RNF38: variants seen among roughly 807,000 people sequenced by gnomAD.
The protein encoded by RNF38 is ring finger protein 38.
RNF38 carries 15 observed loss-of-function variants against 67.2 expected under a neutral mutation model. The ratio of observed to expected loss-of-function variants is 0.22; its 90% CI spans 0.15 to 0.34. The LOEUF is 0.34. RNF38 is among the 10% of genes least tolerant of loss of function. RNF38 has a pLI of 1.00. For synonymous variants in RNF38, 220 were observed against 218.8 expected (o/e 1.01, Z -0.05); for missense variants, 524 against 639.9 (o/e 0.82, Z 1.95).
chr9:36,426,549 T>C (rs995435590), intron 1 of RNF38, among the ~76,000 whole-genome samples: 8 of 152,246 alleles, frequency 5.3e-5, no homozygotes, highest in Admixed American at 1.3e-4. Flanking sequence ...TACCACATTT[T>C]GTTTCACTCT....
chr9:36,406,249 T>C (rs1029205606), intron 2 of RNF38, among the ~76,000 whole-genome samples: 3 of 152,180 alleles, frequency 2.0e-5, no homozygotes, highest in Non-Finnish European at 2.9e-5. Context: ...CAGCTACAGG[T>C]AAAGAACCAC....
intron 4 of RNF38, among the ~76,000 whole-genome samples, chr9:36,364,415 G>A (rs1834794984): frequency 6.6e-6 from 1 of 152,068 alleles, no homozygotes; most frequent in Non-Finnish European, 1.5e-5. Context: ...ATTTTCAACA[G>A]TGTAGAGGGT....
chr9:36,442,723 G>A (rs993504882), intron 1 of RNF38, among the ~76,000 whole-genome samples: 6 of 152,230 alleles, frequency 3.9e-5, no homozygotes, highest in Admixed American at 1.3e-4. Context: ...AGGTTGCAGC[G>A]AGCCGAGATC....
intron 1 of RNF38, among the ~76,000 whole-genome samples, chr9:36,480,036 T>A (rs1469343238): frequency 6.6e-6 from 1 of 152,146 alleles, no homozygotes; most frequent in African/African-American, 2.4e-5. Flanking sequence ...TGGAGTGCAG[T>A]GGCGTGATTT....
At chr9:36,405,616 G>A (rs1015596876), upstream of RNF38, among the ~76,000 whole-genome samples, 8 of 152,122 alleles carry the variant, frequency 5.3e-5, no homozygotes, top group African/African-American at 1.9e-4. Context: ...TGGTGTTAAC[G>A]CCTTCTTTAA....
intron 4 of RNF38, among the ~76,000 whole-genome samples, chr9:36,368,786 T>C (rs1455724089): frequency 6.6e-6 from 1 of 152,210 alleles, no homozygotes; most frequent in African/African-American, 2.4e-5. Context: ...CTATTCTCAT[T>C]AGCATTCTCT....
At chr9:36,454,462 A>C (rs755657666) in intron 1 of RNF38, among the ~76,000 whole-genome samples, 3 of 152,050 alleles carry the variant, frequency 2.0e-5, no homozygotes, top group Admixed American at 6.6e-5. Context: ...AGAAAACAAA[A>C]TATCATACCT....
intron 2 of RNF38, among the ~76,000 whole-genome samples, chr9:36,418,272 G>C (rs1838526178): frequency 1.3e-5 from 2 of 152,028 alleles, no homozygotes; most frequent in South Asian, 4.1e-4. Flanking sequence ...TTGAGGTTGA[G>C]TGATCCACTC....
chr9:36,470,697 AAAAC>A (rs1360810184), intron 1 of RNF38, among the ~76,000 whole-genome samples: 6 of 152,142 alleles, frequency 3.9e-5, no homozygotes, highest in Non-Finnish European at 8.8e-5. Context: ...CTGTCACCTT[AAAAC>A]AAACCAACCA....
intron 9 of RNF38, among the ~76,000 whole-genome samples, chr9:36,350,238 A>T (rs1449061303): frequency 6.6e-6 from 1 of 152,210 alleles, no homozygotes; most frequent in Admixed American, 6.5e-5. Flanking sequence ...CAGAACATGC[A>T]TGGTCTTATA....
chr9:36,391,612 C>CTTT lies in RNF38; in HGVS notation c.13-999_13-997dup, dbSNP rs1158051513. ...CCAAAAACAAAGGCATCGTTTCCTACTTTTTTTTTTTTTTTTTTTTGAGAT... is the reference window on the plus strand; with the variant it reads ...CCAAAAACAAAGGCATCGTTTCCTACTTTTTTTTTTTTTTTTTTTTTTTGAGAT... On this transcript the variant is annotated intron_variant, in intron 1 of 11. Coordinates refer to ENST00000259605, the MANE Select transcript of RNF38 (RefSeq NM_022781.5). 2.8e-4 allele frequency among the ~76,000 whole-genome samples: 38 copies of CTTT among 134,646 alleles called. No homozygotes were observed. The East Asian group carries it at 4.2e-3, about 15-fold the overall frequency. The allele number at this position is 134,646 out of a possible 152,430, so 88.3% of individuals were successfully genotyped here.
chr9:36,480,695 G>T (rs1030331332), intron 1 of RNF38, among the ~76,000 whole-genome samples: 4 of 151,528 alleles, frequency 2.6e-5, no homozygotes, highest in Non-Finnish European at 1.5e-5. Flanking sequence ...GAAATTACAG[G>T]CAAGTGCCAC....
chr9:36,362,470 CAAAAAA>C (rs57951615), intron 4 of RNF38, among the ~76,000 whole-genome samples: 1 of 135,238 alleles, frequency 7.4e-6, no homozygotes, highest in Non-Finnish European at 1.6e-5. Context: ...ATCAAGACTA[CAAAAAA>C]AAAAAAAAAA....
intron 2 of RNF38, among the ~76,000 whole-genome samples, chr9:36,378,824 C>T (rs549875720): frequency 2.6e-5 from 4 of 151,976 alleles, no homozygotes; most frequent in African/African-American, 7.2e-5. Flanking sequence ...TCTCTTTGTG[C>T]TATGATGGTG....
chr9:36,465,472 G>A (rs575589055), intron 1 of RNF38, among the ~76,000 whole-genome samples: 13 of 152,066 alleles, frequency 8.5e-5, no homozygotes, highest in African/African-American at 2.2e-4. Context: ...TTAGCCTCCC[G>A]ACTAACTGGG....
intron 1 of RNF38, among the ~76,000 whole-genome samples, chr9:36,451,226 G>A (rs189049996): frequency 9.5e-4 from 144 of 152,148 alleles, no homozygotes; most frequent in Non-Finnish European, 1.5e-3. Flanking sequence ...CACTTTGGGA[G>A]GCCGAGGCAG....
intron 1 of RNF38, among the ~76,000 whole-genome samples, chr9:36,470,293 CT>C (rs1404959292): frequency 6.6e-5 from 10 of 152,192 alleles, no homozygotes; most frequent in Admixed American, 2.0e-4. Flanking sequence ...CAAGATCCCC[CT>C]GGTCTACCTC....
intron 1 of RNF38, among the ~76,000 whole-genome samples, chr9:36,437,201 T>C (rs1839091005): frequency 6.6e-6 from 1 of 152,192 alleles, no homozygotes; most frequent in Non-Finnish European, 1.5e-5. Flanking sequence ...AATCTTACTA[T>C]CAAAGATGCC....
intron 1 of RNF38, among the ~76,000 whole-genome samples, chr9:36,459,461 T>C (rs2134367766): frequency 6.6e-6 from 1 of 152,320 alleles, no homozygotes; most frequent in African/African-American, 2.4e-5. Flanking sequence ...GGATAGGGCA[T>C]TGCCTTCATT....
Sources: allele counts gnomAD v4.1 joint callset (sites outside exome capture counted in the v4.1 genomes callset), GRCh38; gene constraint gnomAD v4.1.1; transcripts MANE v1.5; gene names NCBI Gene and HGNC (gene_info 2026-07-23, HGNC 2026-07-21).